MEI4: variants seen among roughly 807,000 people sequenced by gnomAD.
MEI4 encodes meiosis-specific protein MEI4.
In MEI4, 27 loss-of-function variants were observed where a neutral mutation model predicts 31.4. The ratio of observed to expected loss-of-function variants is 0.86; its 90% CI spans 0.63 to 1.19. The LOEUF (loss-of-function observed/expected upper bound fraction) is 1.19. Ranked by LOEUF, MEI4 falls within the 50% of genes most tolerant of loss-of-function variation. MEI4 has a pLI of 0.00. For synonymous variants in MEI4, 122 were observed against 145.4 expected (o/e 0.84, Z 1.16); for missense variants, 329 against 398.9 (o/e 0.82, Z 1.49).
At chr6:77,747,159 A>G (rs1024502246) in intron 2 of MEI4, among the ~76,000 whole-genome samples, 3 of 152,050 alleles carry the variant, frequency 2.0e-5, no homozygotes, top group Non-Finnish European at 4.4e-5. Context: ...TAAAAATGCA[A>G]AAATTAACTG....
chr6:77,733,065 C>T (rs1767060397), intron 2 of MEI4, among the ~76,000 whole-genome samples: 2 of 151,946 alleles, frequency 1.3e-5, no homozygotes, highest in African/African-American at 2.4e-5. Flanking sequence ...CAATGTTCAT[C>T]AAGGATATTG....
chr6:77,732,839 A>C (rs1281075119), intron 2 of MEI4, among the ~76,000 whole-genome samples: 1 of 152,050 alleles, frequency 6.6e-6, no homozygotes, highest in South Asian at 2.1e-4. Flanking sequence ...TAGCATGAAG[A>C]GTTGTTGAAT....
At chr6:77,891,830 CT>C (rs1279320683) in intron 4 of MEI4, among the ~76,000 whole-genome samples, 1 of 152,116 alleles carries the variant, frequency 6.6e-6, no homozygotes, top group African/African-American at 2.4e-5. Context: ...GATTATTTTG[CT>C]TTGAATGTGG....
Position 77,680,115 on chromosome 6 carries a change from C to CAAAAAA in MEI4, c.-14-10534_-14-10529dup, listed in dbSNP as rs1220251759. Among the ~76,000 whole-genome samples the CAAAAAA allele has an allele frequency of 3.5e-4, 14 of 39,770 alleles. 2 individuals are homozygous for CAAAAAA. In the East Asian group the frequency reaches 4.4e-3, roughly 13 times the overall value. 26.1% of individuals were successfully genotyped at this position (39,770 alleles called of 152,430 possible). A position where few individuals can be genotyped will look rare whatever the true frequency, so the allele number is the denominator to read the frequency against. ...TGAAACCCCGTCCCTACTAAAAATA[C>CAAAAAA]AAAAAAAAAAAAAATTAGCTGGGCG... On this transcript the variant is annotated intron_variant, in intron 1 of 4. Coordinates refer to ENST00000684080, the MANE Select transcript of MEI4 (RefSeq NM_001322247.2).
At chr6:77,815,168 GC>G (rs1226829419) in intron 3 of MEI4, among the ~76,000 whole-genome samples, 1 of 151,950 alleles carries the variant, frequency 6.6e-6, no homozygotes, top group Non-Finnish European at 1.5e-5. Context: ...CTCCAAAGTT[GC>G]CCTCTCCTCC....
chr6:77,695,654 T>G (rs202217987), intron 2 of MEI4, among the ~76,000 whole-genome samples: 2,886 of 152,288 alleles, frequency 0.019, 64 homozygotes, highest in East Asian at 0.087. Context: ...CCATGCTGTT[T>G]TGGTTACTGT....
Position 77,814,566 on chromosome 6 carries a change from G to C in MEI4, c.769-14365G>C, listed in dbSNP as rs141645742. 2.6e-3 allele frequency among the ~76,000 whole-genome samples: 389 copies of C among 152,206 alleles called. 1 individual carries two copies. The highest frequency in any genetic ancestry group is 8.4e-3 in the African/African-American group (351 of 41,540). ...CCCAATTCACTAAGCCAAAAGGAAAGCATTAAGCTGAAAGCTGAATCATGC... is the reference window on the plus strand; with the variant it reads ...CCCAATTCACTAAGCCAAAAGGAAACCATTAAGCTGAAAGCTGAATCATGC... On this transcript the variant is annotated intron_variant, in intron 3 of 4. Transcript: ENST00000684080.
At chr6:77,921,436 C>G (rs986600970) in intron 4 of MEI4, among the ~76,000 whole-genome samples, 1 of 151,748 alleles carries the variant, frequency 6.6e-6, no homozygotes, top group Non-Finnish European at 1.5e-5. Context: ...TGTATTCAGG[C>G]CACTACAATT....
At chr6:77,862,958 C>T (rs1770906132) in intron 4 of MEI4, among the ~76,000 whole-genome samples, 1 of 152,168 alleles carries the variant, frequency 6.6e-6, no homozygotes, top group Non-Finnish European at 1.5e-5. Flanking sequence ...GATACCCAGG[C>T]AAACAGGGTC....
chr6:77,676,331 C>A (rs1326247558), intron 1 of MEI4, among the ~76,000 whole-genome samples: 1 of 151,564 alleles, frequency 6.6e-6, no homozygotes, highest in Non-Finnish European at 1.5e-5. Flanking sequence ...AAAGATTAGC[C>A]TGGGCAACAT....
intron 4 of MEI4, among the ~76,000 whole-genome samples, chr6:77,832,780 C>T (rs1252134716): frequency 6.6e-6 from 1 of 152,074 alleles, no homozygotes; most frequent in Non-Finnish European, 1.5e-5. Flanking sequence ...TATTGACTAA[C>T]CATGTCAGTT....
intron 4 of MEI4, among the ~76,000 whole-genome samples, chr6:77,868,604 T>G (rs1474053253): frequency 6.7e-6 from 1 of 148,568 alleles, no homozygotes; most frequent in African/African-American, 2.5e-5. Context: ...TTCTCCCTTT[T>G]TCCAGATAAC....
At chr6:77,852,958 G>C (rs1210627209) in intron 4 of MEI4, among the ~76,000 whole-genome samples, 1 of 152,124 alleles carries the variant, frequency 6.6e-6, no homozygotes, top group Non-Finnish European at 1.5e-5. Flanking sequence ...CAGCACTTTG[G>C]GAGGCCGAGG....
chr6:77,846,954 C>T (rs1770502751), intron 4 of MEI4, among the ~76,000 whole-genome samples: 1 of 152,116 alleles, frequency 6.6e-6, no homozygotes, highest in African/African-American at 2.4e-5. Flanking sequence ...CTCAGTCAGC[C>T]TCTCACTTAG....
chr6:77,747,969 G>A (rs1174209489), intron 2 of MEI4, among the ~76,000 whole-genome samples: 2 of 152,218 alleles, frequency 1.3e-5, no homozygotes, highest in Non-Finnish European at 2.9e-5. Flanking sequence ...GAATCCAGTG[G>A]GGTAGTCAAA....
chr6:77,868,742 T>C (rs1430096022), intron 4 of MEI4, among the ~76,000 whole-genome samples: 1 of 151,726 alleles, frequency 6.6e-6, no homozygotes, highest in Non-Finnish European at 1.5e-5. Context: ...AGAAAGCTAT[T>C]AAGCAACACT....
chr6:77,656,745 C>G (rs1384506833), intron 1 of MEI4, among the ~76,000 whole-genome samples: 1 of 152,046 alleles, frequency 6.6e-6, no homozygotes, highest in African/African-American at 2.4e-5. Context: ...ATAATTTACT[C>G]TTAATAATCC....
chr6:77,699,873 A>C (rs1766171989), intron 2 of MEI4, among the ~76,000 whole-genome samples: 1 of 152,196 alleles, frequency 6.6e-6, no homozygotes, highest in Non-Finnish European at 1.5e-5. Context: ...GGGTGTCAGC[A>C]GCAGTGGCTG....
At chr6:77,842,136 T>G (rs6934787) in intron 4 of MEI4, among the ~76,000 whole-genome samples, 58,825 of 151,934 alleles carry the variant, frequency 0.39, 12,355 homozygotes, top group African/African-American at 0.57. Context: ...ATTCATAGTC[T>G]TTTCAAGGGG....
Sources: allele counts gnomAD v4.1 joint callset (sites outside exome capture counted in the v4.1 genomes callset), GRCh38; gene constraint gnomAD v4.1.1; transcripts MANE v1.5; gene names NCBI Gene and HGNC (gene_info 2026-07-23, HGNC 2026-07-21).